FGFR3: variants seen among roughly 807,000 people sequenced by gnomAD.
FGFR3 encodes the protein fibroblast growth factor receptor 3.
In FGFR3, 25 loss-of-function variants were observed where a neutral mutation model predicts 82.9. That is an observed-to-expected ratio of 0.30 (90% CI 0.22 to 0.42). The LOEUF (loss-of-function observed/expected upper bound fraction) is 0.42. FGFR3 is among the 10% of genes least tolerant of loss of function. FGFR3 has a pLI of 1.00. For synonymous variants in FGFR3, 620 were observed against 516.0 expected (o/e 1.20, Z -2.73); for missense variants, 1,026 against 1,161.0 (o/e 0.88, Z 1.69).
chr4:1,800,423 C>T (rs1038390610), intron 4 of FGFR3, among the ~76,000 whole-genome samples: 1 of 152,078 alleles, frequency 6.6e-6, no homozygotes, highest in Non-Finnish European at 1.5e-5. Flanking sequence ...TGAGGGTCAT[C>T]GTGGCACAGA....
At position 1,804,538 on chromosome 4, in the gene FGFR3, C is replaced by T. The variant is rs763868055; in HGVS notation, c.1266+18C>T. On this transcript the variant is annotated intron_variant, in intron 9 of 17. Coordinates refer to ENST00000440486, the MANE Select transcript of FGFR3 (RefSeq NM_000142.5). Reference sequence around the variant, plus strand: ...AGCGACAGGTAACAGAAAGTAGATACCAGGTTCTGAGCTGCCTGCCCGCCA... The same window carrying T: ...AGCGACAGGTAACAGAAAGTAGATATCAGGTTCTGAGCTGCCTGCCCGCCA... The T allele has an allele frequency of 2.5e-6, 4 of 1,611,016 alleles. No individual in the cohort carries two copies. Among genetic ancestry groups the T allele is most frequent in the Admixed American group, 1.7e-5 (1 of 60,026 alleles).
At chr4:1,795,084 C>G (rs1033588777) in intron 2 of FGFR3, among the ~76,000 whole-genome samples, 5 of 151,724 alleles carry the variant, frequency 3.3e-5, no homozygotes, top group African/African-American at 1.2e-4. Flanking sequence ...CCCCTTTCTC[C>G]GTCGGCGGCT....
intron 16 of FGFR3, 56 bp downstream of exon 16, chr4:1,806,739 G>A (rs2108813252): frequency 1.9e-6 from 3 of 1,601,070 alleles, no homozygotes; most frequent in Non-Finnish European, 1.7e-6. Context: ...TCCCTCCGGG[G>A]CTGGGCGGGG....
intron 2 of FGFR3, among the ~76,000 whole-genome samples, chr4:1,795,526 C>G (rs917092198): frequency 2.0e-5 from 3 of 151,254 alleles, no homozygotes; most frequent in Non-Finnish European, 2.9e-5. Context: ...ACAAGATGGG[C>G]CGGGCAGTAA....
At chr4:1,797,927 GC>G (rs1383417538) in intron 2 of FGFR3, among the ~76,000 whole-genome samples, 3 of 152,168 alleles carry the variant, frequency 2.0e-5, no homozygotes, top group African/African-American at 7.2e-5. Context: ...GGGCAGCTGG[GC>G]CCCCGAATCT....
rs56266857 is a variant in FGFR3 at position 1,806,932 on chromosome 4, G to A, written c.2272G>A (p.Asp758Asn). 1.6e-4 allele frequency: 255 copies of A among 1,602,626 alleles called. No homozygotes were observed. The highest frequency in any genetic ancestry group is 6.6e-4 in the Middle Eastern group (4 of 6,072). The part of the protein sequence containing the change: ...LDRVLTVTST[D>N]EYLDLSAPFE... Reference sequence around the variant, plus strand: ...CCGTGTCCTTACCGTGACGTCCACCGACGTGAGTGCTGGCTCTGGCCTGGT... The same window carrying A: ...CCGTGTCCTTACCGTGACGTCCACCAACGTGAGTGCTGGCTCTGGCCTGGT... The change falls in exon 17 of 18, where the codon GAC becomes AAC. Residue 758 changes from aspartate (D) to asparagine (N), a missense_variant and splice_region_variant. Transcript: ENST00000440486.
chr4:1,798,917 C>T (rs950404203), intron 2 of FGFR3, among the ~76,000 whole-genome samples: 5 of 152,192 alleles, frequency 3.3e-5, no homozygotes, highest in Non-Finnish European at 5.9e-5. Flanking sequence ...ATTAAAAGAA[C>T]GAAGAGTCAC....
rs1345572437 is a variant in FGFR3, at chr4:1,806,902, C to T, written c.2242C>T (p.Leu748=). Residue 748 remains leucine (L), a synonymous_variant, in exon 17 of 18, where the codon CTG becomes TTG. Transcript: ENST00000440486. ...CACCTTCAAGCAGCTGGTGGAGGAC[C>T]TGGACCGTGTCCTTACCGTGACGTC... is the stretch of plus-strand genomic sequence containing the variant. The part of the protein sequence containing the change: ...RPTFKQLVED[L]DRVLTVTSTD... 5 of 1,611,238 alleles carry T rather than the reference C, an allele frequency of 3.1e-6. No individual in the cohort carries two copies. The highest frequency in any genetic ancestry group is 4.2e-6 in the Non-Finnish European group (5 of 1,179,398).
At chr4:1,805,005 G>A in intron 10 of FGFR3, 36 bp downstream of exon 10, 2 of 1,525,032 alleles carry the variant, frequency 1.3e-6, no homozygotes, top group African/African-American at 1.4e-5. Context: ...GGCTGTAGGG[G>A]GCTTGGTGGT....
Position 1,807,884 on chromosome 4 carries a change from G to C in FGFR3, c.*622G>C. The C allele has an allele frequency of 2.4e-6, 1 of 420,940 alleles. No individual in the cohort carries two copies. The highest frequency in any genetic ancestry group is 4.1e-5 in the East Asian group (1 of 24,336). The allele number at this position is 420,940 out of a possible 1,614,324, so 26.1% of individuals were successfully genotyped here. A position where few individuals can be genotyped will look rare whatever the true frequency, so the allele number is the denominator to read the frequency against. ...GTGTACATTTCTATAAATAGATGCTGTGTATATGGTATATATACATATATA... is the reference window on the plus strand; with the variant it reads ...GTGTACATTTCTATAAATAGATGCTCTGTATATGGTATATATACATATATA... On this transcript the variant is annotated 3_prime_UTR_variant, in exon 18 of 18. Transcript: ENST00000440486.
At chr4:1,803,935 C>T (rs924456386) in intron 8 of FGFR3, 99 bp downstream of exon 8, 34 of 1,315,612 alleles carry the variant, frequency 2.6e-5, no homozygotes, top group African/African-American at 8.6e-5. Context: ...CTGTGACTTA[C>T]GGCCGTCCCG....
At chr4:1,806,464 A>C (rs1014614215) in intron 15 of FGFR3, 82 bp from the exon 16 acceptor site, 32 of 1,605,520 alleles carry the variant, frequency 2.0e-5, no homozygotes, top group African/African-American at 2.7e-5. Flanking sequence ...GCAGCAGCGC[A>C]GCCCTGGCCT....
chr4:1,794,713 C>CGAGGG (rs980198413), intron 2 of FGFR3, among the ~76,000 whole-genome samples: 3 of 152,004 alleles, frequency 2.0e-5, no homozygotes, highest in Admixed American at 6.5e-5. Context: ...TCCCAAGGGG[C>CGAGGG]GAGGGGAGGG....
chr4:1,797,106 G>A (rs1720605890), intron 2 of FGFR3, among the ~76,000 whole-genome samples: 1 of 152,156 alleles, frequency 6.6e-6, no homozygotes, highest in African/African-American at 2.4e-5. Context: ...TGTCTCCAAC[G>A]TGTTTGGGCA....
rs1721791507 is a variant in FGFR3 at position 1,805,572 on chromosome 4, C to A, written c.1548C>A (p.Asp516Glu). ...CTCCGTGCACAGACGATGCCACTGA[C>A]AAGGACCTGTCGGACCTGGTGTCTG... The part of the protein sequence containing the change: ...AVKMLKDDAT[D>E]KDLSDLVSEM... The change falls in exon 12 of 18, where the codon GAC becomes GAA. Residue 516 changes from aspartate to glutamate, a missense_variant. Around this residue, in one of 9 missense-constraint regions of FGFR3, gnomAD observed 164 missense variants for 167.5 expected, o/e 0.98. Transcript: ENST00000440486. The A allele has an allele frequency of 6.2e-7, 1 of 1,613,092 alleles. No individual in the cohort carries two copies. The highest frequency in any genetic ancestry group is 1.7e-5 in the Admixed American group (1 of 60,004).
chr4:1,806,722 G>A (rs1303965964), intron 16 of FGFR3, 39 bp downstream of exon 16: 3 of 1,609,860 alleles, frequency 1.9e-6, no homozygotes, highest in Non-Finnish European at 2.5e-6. Context: ...GTCCTCAGGG[G>A]TGGGGGTCCC....
At chr4:1,801,280 G>A (rs1205578892) in intron 4 of FGFR3, 87 bp from the exon 5 acceptor site, 3 of 1,419,464 alleles carry the variant, frequency 2.1e-6, no homozygotes, top group Non-Finnish European at 2.9e-6. Flanking sequence ...GCTGGGGATG[G>A]GCAGGGGCAG....
In FGFR3 at chr4:1,799,232, T is replaced by C; in HGVS notation, c.110-22T>C. 9 of 1,611,818 alleles carry C rather than the reference T, an allele frequency of 5.6e-6. 1 individual carries two copies. Among genetic ancestry groups the C allele is most frequent in the Non-Finnish European group, 7.6e-6 (9 of 1,179,938 alleles). On this transcript the variant is annotated intron_variant, in intron 2 of 17. Coordinates refer to ENST00000440486, the MANE Select transcript of FGFR3 (RefSeq NM_000142.5). ...GCCGGGTTTGGGGGTGCCTGCCTCA[T>C]GGTTGCCCATCTTCCCCACAGAAGT...
In FGFR3 at chr4:1,806,290, G is replaced by T. The variant is rs764892330; in HGVS notation, c.1993G>T (p.Ala665Ser). 25 of 1,564,022 alleles carry T rather than the reference G, an allele frequency of 1.6e-5. No homozygotes were observed. Among genetic ancestry groups the T allele is most frequent in the South Asian group, 2.3e-5 (2 of 85,634 alleles). The change falls in exon 15 of 18, where the codon GCC becomes TCC. Residue 665 changes from alanine (A) to serine (S), a missense_variant. Ala to Ser is a moderately conservative substitution (Grantham distance 99). Coordinates refer to ENST00000440486, the MANE Select transcript of FGFR3 (RefSeq NM_000142.5). ...GCCCGTGAAGTGGATGGCGCCTGAGGCCTTGTTTGACCGAGTCTACACTCA... is the reference window on the plus strand; with the variant it reads ...GCCCGTGAAGTGGATGGCGCCTGAGTCCTTGTTTGACCGAGTCTACACTCA... The part of the protein sequence containing the change: ...RLPVKWMAPE[A>S]LFDRVYTHQS...
Sources: allele counts gnomAD v4.1 joint callset (sites outside exome capture counted in the v4.1 genomes callset), GRCh38; gene constraint gnomAD v4.1.1; regional missense constraint gnomAD v4.1.1; transcripts MANE v1.5; gene names NCBI Gene and HGNC (gene_info 2026-07-23, HGNC 2026-07-21).